Variants in SLF1 observed in about 807,000 individuals in gnomAD.
SLF1 encodes SMC5-SMC6 complex localization factor protein 1.
SLF1 carries 105 observed loss-of-function variants against 123.0 expected under a neutral mutation model. That is an observed-to-expected ratio of 0.85 (90% confidence interval 0.73 to 1.00). The LOEUF is 1.00. SLF1 is among the 50% of genes least tolerant of loss of function. The pLI is 0.00. For missense variants in SLF1, 1,239 were observed against 1,223.0 expected, an observed-to-expected ratio of 1.01 and a Z score of -0.20; for synonymous variants, 434 against 406.6, an observed-to-expected ratio of 1.07 and a Z score of -0.81.
intron 9 of SLF1, among the ~76,000 whole-genome samples, chr5:94,656,418 C>A (rs1394538415): frequency 6.6e-6 from 1 of 151,794 alleles, no homozygotes; most frequent in African/African-American, 2.4e-5. Flanking sequence ...ATTTTTGCAT[C>A]TGCTTTTCTC....
rs963795983 is a variant in SLF1 at position 94,686,800 on chromosome 5, T to G, written c.2121+82T>G. 4 of 1,419,278 alleles carry G rather than the reference T, an allele frequency of 2.8e-6. No homozygotes were observed. In the African/African-American group the frequency reaches 5.8e-5, roughly 21 times the overall value. 87.9% of individuals were successfully genotyped at this position (1,419,278 alleles called of 1,614,324 possible). ...AATTTTATTTATTTAGTTATTTATT[T>G]ATTTTGAGATGGAGGCTTGCTCTGT... is the stretch of plus-strand genomic sequence containing the variant. On this transcript the variant is annotated intron_variant, in intron 16 of 20. Coordinates refer to ENST00000265140, the MANE Select transcript of SLF1 (RefSeq NM_032290.4).
intron 15 of SLF1, among the ~76,000 whole-genome samples, chr5:94,680,167 A>G (rs1258889305): frequency 6.6e-6 from 1 of 152,206 alleles, no homozygotes; most frequent in East Asian, 1.9e-4. Flanking sequence ...AATACTTTGA[A>G]GAGAGACTTC....
intron 18 of SLF1, among the ~76,000 whole-genome samples, chr5:94,689,893 C>T (rs547595238): frequency 4.6e-5 from 7 of 152,220 alleles, no homozygotes; most frequent in South Asian, 2.1e-4. Flanking sequence ...CAGACTTGCC[C>T]GCCTTACTTT....
intron 4 of SLF1, among the ~76,000 whole-genome samples, chr5:94,640,045 A>G (rs1465739881): frequency 6.6e-6 from 1 of 152,260 alleles, no homozygotes; most frequent in Non-Finnish European, 1.5e-5. Context: ...ATGATTAAAA[A>G]TAATGAAATG....
chr5:94,641,332 CT>C (rs141407046), intron 4 of SLF1, among the ~76,000 whole-genome samples: 38,460 of 152,066 alleles, frequency 0.25, 5,194 homozygotes, highest in Non-Finnish European at 0.29. Context: ...GTCTCTCTTG[CT>C]CTTCTGCTTA....
Position 94,639,493 on chromosome 5 carries a change from C to A in SLF1, c.432-3780C>A, listed in dbSNP as rs540922765. 1.7e-4 allele frequency among the ~76,000 whole-genome samples: 26 copies of A among 152,178 alleles called. No homozygotes were observed. The South Asian group carries it at 3.7e-3, about 22-fold the overall frequency. Reference sequence around the variant, plus strand: ...GTGTCCATCTTTAACTGTTCATAGTCAAATGTCAAACAGTATCTTTTTGCA... The same window carrying A: ...GTGTCCATCTTTAACTGTTCATAGTAAAATGTCAAACAGTATCTTTTTGCA... On this transcript the variant is annotated intron_variant, in intron 4 of 20. Coordinates refer to ENST00000265140, the MANE Select transcript of SLF1 (RefSeq NM_032290.4).
intron 5 of SLF1, among the ~76,000 whole-genome samples, chr5:94,644,923 G>C (rs369801188): frequency 5.9e-5 from 9 of 152,146 alleles, no homozygotes; most frequent in African/African-American, 2.2e-4. Flanking sequence ...ATCAATATTT[G>C]TTAATAGAGA....
chr5:94,694,661 T>G (rs575536306), intron 20 of SLF1, among the ~76,000 whole-genome samples, 170 bp from the exon 21 acceptor site: 97 of 152,018 alleles, frequency 6.4e-4, no homozygotes, highest in African/African-American at 2.1e-3. Flanking sequence ...ATTTTTTTAA[T>G]GTACCTTTAT....
chr5:94,649,455 A>C lies in SLF1; in HGVS notation c.596A>C (p.Lys199Thr). The change falls in exon 6 of 21, where the codon AAA (lysine) becomes ACA (threonine). Residue 199 changes from lysine (K) to threonine (T), a missense_variant and splice_region_variant. Transcript: ENST00000265140. ...TAAACCATTTTTACATACATACAGA[A>C]AGAAATTCAGAATGATGAAGATTCC... is the stretch of plus-strand genomic sequence containing the variant. ...IQYLGDFLLE[K>T]EIQNDEDSQT... 2.7e-6 allele frequency: 4 copies of C among 1,494,130 alleles called. No homozygotes were observed. Among genetic ancestry groups the C allele is most frequent in the Non-Finnish European group, 2.7e-6 (3 of 1,108,722 alleles). 92.6% of individuals were successfully genotyped at this position (1,494,130 alleles called of 1,614,324 possible).
In SLF1 at chr5:94,689,069, G is replaced by A. The variant is rs1585240357; in HGVS notation, c.2285+400G>A. Among the ~76,000 whole-genome samples the A allele has an allele frequency of 3.9e-5, 6 of 152,122 alleles. No homozygotes were observed. The South Asian group carries it at 1.2e-3, about 31-fold the overall frequency. ...AAGTATAAGGTGTATAAAAGTGTAT[G>A]TTGTATAAAACTCAGAAAGCCTGAA... On this transcript the variant is annotated intron_variant, in intron 17 of 20. Transcript: ENST00000265140.
intron 7 of SLF1, among the ~76,000 whole-genome samples, chr5:94,652,218 C>T (rs1747823315): frequency 1.3e-5 from 2 of 152,044 alleles, no homozygotes; most frequent in African/African-American, 4.8e-5. Flanking sequence ...ACCATGTTGG[C>T]CAGGATGGTC....
At chr5:94,620,510 A>G (rs935557206) in intron 1 of SLF1, among the ~76,000 whole-genome samples, 2 of 152,352 alleles carry the variant, frequency 1.3e-5, no homozygotes, top group Admixed American at 1.3e-4. Flanking sequence ...TTGGGAAACC[A>G]ATAGTATAGC....
intron 13 of SLF1, 120 bp downstream of exon 13, chr5:94,670,399 T>C (rs1750306937): frequency 5.6e-6 from 5 of 895,476 alleles, no homozygotes; most frequent in South Asian, 2.7e-5. Context: ...TATTTTAAGA[T>C]AGATTTGTTT....
Position 94,627,648 on chromosome 5 carries a change from T to C in SLF1, c.1-1163T>C, listed in dbSNP as rs755156450. Among the ~76,000 whole-genome samples the C allele has an allele frequency of 1.7e-3, 223 of 131,810 alleles. 2 individuals carry two copies. Among genetic ancestry groups the C allele is most frequent in the Non-Finnish European group, 2.8e-3 (177 of 62,368 alleles). The allele number at this position is 131,810 out of a possible 152,430, so 86.5% of individuals were successfully genotyped here. On this transcript the variant is annotated intron_variant, in intron 1 of 20. Coordinates refer to ENST00000265140, the MANE Select transcript of SLF1 (RefSeq NM_032290.4). ...AAAGTTAAGAAATATGGATTGCAAA[T>C]AGGATCTAGGATTATTATGTGTACC...
At chr5:94,681,386 C>T (rs1215880056) in intron 15 of SLF1, among the ~76,000 whole-genome samples, 2 of 152,224 alleles carry the variant, frequency 1.3e-5, no homozygotes, top group Non-Finnish European at 2.9e-5. Context: ...CCCACCTCGG[C>T]TTCCCAGGTG....
chr5:94,630,759 A>C lies in SLF1; in HGVS notation c.431+16A>C, dbSNP rs751091730. 142 of 1,532,836 alleles carry C rather than the reference A, an allele frequency of 9.3e-5. No homozygotes were observed. The highest frequency in any genetic ancestry group is 1.2e-4 in the Non-Finnish European group (133 of 1,135,594). The allele number at this position is 1,532,836 out of a possible 1,614,324, so 95.0% of individuals were successfully genotyped here. ...CTCTTATAAGGTAGGATGTGATTACATAAAAGCTAAAGCAATTAATGAGAA... is the reference window on the plus strand; with the variant it reads ...CTCTTATAAGGTAGGATGTGATTACCTAAAAGCTAAAGCAATTAATGAGAA... On this transcript the variant is annotated intron_variant, in intron 4 of 20. Transcript: ENST00000265140.
intron 15 of SLF1, among the ~76,000 whole-genome samples, chr5:94,683,880 A>G (rs1278354125): frequency 6.6e-6 from 1 of 152,228 alleles, no homozygotes. Flanking sequence ...GTCAAATACT[A>G]AATGTTTACT....
intron 9 of SLF1, among the ~76,000 whole-genome samples, chr5:94,661,743 G>C (rs566146433): frequency 1.3e-5 from 2 of 152,142 alleles, no homozygotes; most frequent in Admixed American, 1.3e-4. Flanking sequence ...TGCCATGTTG[G>C]CCAGGCTGTT....
At chr5:94,670,764 T>C in intron 13 of SLF1, 79 bp from the exon 14 acceptor site, 1 of 1,049,602 alleles carries the variant, frequency 9.5e-7, no homozygotes, top group South Asian at 1.7e-5. Context: ...GCTAGCATTT[T>C]TTTTGACAGG....
Sources: allele counts gnomAD v4.1 joint callset (sites outside exome capture counted in the v4.1 genomes callset), GRCh38; gene constraint gnomAD v4.1.1; transcripts MANE v1.5; gene names NCBI Gene and HGNC (gene_info 2026-07-23, HGNC 2026-07-21).